IL21R: variants seen among roughly 807,000 people sequenced by gnomAD.
IL21R encodes interleukin-21 receptor.
Under a neutral mutation model 41.3 loss-of-function variants are expected in IL21R, and 14 were observed. That is an observed-to-expected ratio of 0.34 (90% CI 0.22 to 0.53). The LOEUF (loss-of-function observed/expected upper bound fraction) is 0.53. IL21R is among the 20% of genes least tolerant of loss of function. IL21R has a pLI of 0.94. For synonymous variants in IL21R, 286 were observed against 287.6 expected (o/e 0.99, Z 0.05); for missense variants, 588 against 681.6 (o/e 0.86, Z 1.53).
At chr16:27,439,375 CACACA>C (rs1567369324) in intron 4 of IL21R, among the ~76,000 whole-genome samples, 3 of 151,866 alleles carry the variant, frequency 2.0e-5, no homozygotes, top group Non-Finnish European at 4.4e-5. Flanking sequence ...CACACACACA[CACACA>C]CACGTACACA....
chr16:27,412,536 T>C (rs576276061), intron 1 of IL21R, among the ~76,000 whole-genome samples: 1 of 152,172 alleles, frequency 6.6e-6, no homozygotes, highest in East Asian at 1.9e-4. Flanking sequence ...AAACTGTCAT[T>C]GAGATTTTGA....
chr16:27,431,009 G>A (rs923764361), intron 2 of IL21R, among the ~76,000 whole-genome samples: 32 of 152,094 alleles, frequency 2.1e-4, no homozygotes, highest in Admixed American at 3.9e-4. Flanking sequence ...CCAGGAGTCC[G>A]ACTGAAAGGG....
chr16:27,409,976 G>A (rs1200775068), intron 1 of IL21R, among the ~76,000 whole-genome samples: 3 of 152,124 alleles, frequency 2.0e-5, no homozygotes, highest in Admixed American at 2.0e-4. Context: ...AACATAGTAT[G>A]TACCACCACT....
In IL21R at chr16:27,448,648, A is replaced by G. The variant is rs2087528982; in HGVS notation, c.982A>G (p.Arg328Gly). 1 of 1,613,018 alleles carries G rather than the reference A, an allele frequency of 6.2e-7. No homozygotes were observed. The highest frequency in any genetic ancestry group is 8.5e-7 in the Non-Finnish European group (1 of 1,180,020). ...SCHPPRSPAK[R>G]LQLTELQEPA... ...CCACCCACCACGGAGCCCGGCCAAG[A>G]GGCTGCAGCTCACGGAGCTACAAGA... Residue 328 changes from arginine to glycine, a missense_variant, in exon 9 of 9, where the codon AGG (arginine) becomes GGG (glycine). Coordinates refer to ENST00000337929, the MANE Select transcript of IL21R (RefSeq NM_181078.3).
chr16:27,418,794 CACAA>C (rs758524246), intron 1 of IL21R, among the ~76,000 whole-genome samples: 11 of 152,172 alleles, frequency 7.2e-5, no homozygotes, highest in Non-Finnish European at 1.6e-4. Flanking sequence ...ACACTTAAGA[CACAA>C]ACACATTGTA....
At chr16:27,412,417 CT>C (rs2086836170) in intron 1 of IL21R, among the ~76,000 whole-genome samples, 1 of 146,396 alleles carries the variant, frequency 6.8e-6, no homozygotes, top group Non-Finnish European at 1.5e-5. Context: ...CCTTCTTCTT[CT>C]TCTTTTTTTT....
intron 3 of IL21R, among the ~76,000 whole-genome samples, chr16:27,435,424 T>G (rs1297847330): frequency 6.6e-6 from 1 of 151,878 alleles, no homozygotes; most frequent in Non-Finnish European, 1.5e-5. Context: ...ACCAACAAGG[T>G]GCTTTCTCTT....
intron 1 of IL21R, among the ~76,000 whole-genome samples, chr16:27,403,844 C>T (rs1234595273): frequency 6.6e-6 from 1 of 152,204 alleles, no homozygotes; most frequent in Admixed American, 6.5e-5. Flanking sequence ...TGCCAACTCA[C>T]CATGTTGTAG....
chr16:27,450,582 CTTTTTT>C lies in IL21R; in HGVS notation c.*1308_*1313del, dbSNP rs553596346. 1 of 181,516 alleles carries C rather than the reference CTTTTTT, an allele frequency of 5.5e-6. No homozygotes were observed. The highest frequency in any genetic ancestry group is 2.4e-5 in the African/African-American group (1 of 41,216). 11.2% of individuals were successfully genotyped at this position (181,516 alleles called of 1,614,324 possible). A position where few individuals can be genotyped will look rare whatever the true frequency, so the allele number is the denominator to read the frequency against. ...TATTTCTTAGCAACATTTTCTTTTT[CTTTTTT>C]TTTTTTTTCTTTTGAGACAGAGTCT... On this transcript the variant is annotated 3_prime_UTR_variant, in exon 9 of 9. Coordinates refer to ENST00000337929, the MANE Select transcript of IL21R (RefSeq NM_181078.3).
At chr16:27,424,259 GA>G (rs2087041691) in intron 1 of IL21R, among the ~76,000 whole-genome samples, 1 of 152,188 alleles carries the variant, frequency 6.6e-6, no homozygotes, top group Admixed American at 6.5e-5. Flanking sequence ...ATTTTTAGTA[GA>G]GATGGGTTTC....
In IL21R at chr16:27,448,803, G is replaced by A; in HGVS notation, c.1137G>A (p.Val379=). 6.2e-7 allele frequency: 1 copy of A among 1,613,470 alleles called. No homozygotes were observed. The highest frequency in any genetic ancestry group is 8.5e-7 in the Non-Finnish European group (1 of 1,180,028). The change falls in exon 9 of 9, where the codon GTG becomes GTA. Residue 379 remains valine, a synonymous_variant. Transcript: ENST00000337929. ...RPYGLVSIDT[V]TVLDAEGPCT... Reference sequence around the variant, plus strand: ...ACGGCCTGGTGTCCATTGACACAGTGACTGTGCTAGATGCAGAGGGGCCAT... The same window carrying A: ...ACGGCCTGGTGTCCATTGACACAGTAACTGTGCTAGATGCAGAGGGGCCAT...
chr16:27,406,764 G>T (rs7206845), intron 1 of IL21R, among the ~76,000 whole-genome samples: 8,529 of 151,720 alleles, frequency 0.056, 355 homozygotes, highest in South Asian at 0.11. Flanking sequence ...CTCACACTCC[G>T]CATCCAGGCT....
chr16:27,417,163 CT>C (rs577149386), intron 1 of IL21R, among the ~76,000 whole-genome samples: 100 of 126,586 alleles, frequency 7.9e-4, no homozygotes, highest in Non-Finnish European at 7.9e-4. Context: ...TTTTTCTTTT[CT>C]TTTTTTTTTT....
rs577869703 is a variant in IL21R, at chr16:27,431,389, C to T, written c.49+1269C>T. On this transcript the variant is annotated intron_variant, in intron 2 of 8. Transcript: ENST00000337929. ...CCACTGTCCCAACAGCCCCACAAGG[C>T]GCATGTTGTAATGACGCCCAGTTTT... Among the ~76,000 whole-genome samples, 4 of 152,232 alleles carry T rather than the reference C, an allele frequency of 2.6e-5. No individual in the cohort carries two copies. The East Asian group carries it at 5.8e-4, about 22-fold the overall frequency.
At chr16:27,425,033 G>A (rs1360832745) in intron 1 of IL21R, among the ~76,000 whole-genome samples, 1 of 152,168 alleles carries the variant, frequency 6.6e-6, no homozygotes, top group Non-Finnish European at 1.5e-5. Context: ...ATGGCACTAA[G>A]CCATTCATGA....
At chr16:27,414,165 A>AGTGTGTGTGTGTGTGTGTGTGTGT (rs3917005) in intron 1 of IL21R, among the ~76,000 whole-genome samples, 2,090 of 144,224 alleles carry the variant, frequency 0.014, 50 homozygotes, top group Admixed American at 0.052. Context: ...AGCTATGTAT[A>AGTGTGTGTGTGTGTGTGTGTGTGT]GTGTGTGTGT....
At chr16:27,448,199 A>G in intron 8 of IL21R, 1 of 255,210 alleles carries the variant, frequency 3.9e-6, no homozygotes, top group Non-Finnish European at 7.5e-6. Context: ...TCACGCCTGT[A>G]ATCCCAACAC....
At chr16:27,422,118 T>C (rs975529980) in intron 1 of IL21R, among the ~76,000 whole-genome samples, 3 of 152,148 alleles carry the variant, frequency 2.0e-5, no homozygotes, top group Admixed American at 6.5e-5. Context: ...TTCCATTGTC[T>C]GCTGTCTTCC....
At position 27,434,463 on chromosome 16, in the gene IL21R, C is replaced by T. The variant is rs1337968789; in HGVS notation, c.152+14C>T. 1 of 1,538,038 alleles carries T rather than the reference C, an allele frequency of 6.5e-7. No homozygotes were observed. The highest frequency in any genetic ancestry group is 1.7e-4 in the Middle Eastern group (1 of 5,928). On this transcript the variant is annotated intron_variant, in intron 3 of 8. Transcript: ENST00000337929. ...CACCCTTACCTGGTAAGTAGCCGGG[C>T]CTCACCAGTCCCCGGGGATGCAATT...
Sources: gnomAD v4.1 joint callset for allele counts (sites outside exome capture counted in the v4.1 genomes callset) on GRCh38, gnomAD v4.1.1 for gene constraint, MANE v1.5 for transcripts, NCBI Gene and HGNC (gene_info 2026-07-23, HGNC 2026-07-21) for gene names.